TMEM181: variants seen among roughly 807,000 people sequenced by gnomAD.
TMEM181 encodes the protein transmembrane protein 181, also known as G protein-coupled receptor 178.
Under a neutral mutation model 71.9 loss-of-function variants are expected in TMEM181, and 39 were observed. That is an observed-to-expected ratio of 0.54 (90% confidence interval 0.42 to 0.71). The LOEUF is 0.71. Among genes scored for constraint, TMEM181 ranks in the 30% least tolerant of loss-of-function variants. The probability of loss-of-function intolerance (pLI) is 0.00; values close to 1 mark genes in which losing one functional copy is unlikely to be tolerated. For synonymous variants in TMEM181, 245 were observed against 228.8 expected (o/e 1.07, Z -0.64); for missense variants, 595 against 583.0 (o/e 1.02, Z -0.21).
chr6:158,627,181 C>T (rs1278965559), intron 13 of TMEM181, among the ~76,000 whole-genome samples: 1 of 151,702 alleles, frequency 6.6e-6, no homozygotes, highest in Admixed American at 6.6e-5. Context: ...CACACCCTCA[C>T]TCTCACACCC....
chr6:158,610,417 G>C lies in TMEM181; in HGVS notation c.896+1667G>C, dbSNP rs6937616. On this transcript the variant is annotated intron_variant, in intron 10 of 16. Coordinates refer to ENST00000684151, the MANE Select transcript of TMEM181 (RefSeq NM_001376852.1). ...GAAATTCCTTAGAGAAGGAGCTGCT[G>C]TAAATTCTTCTGAACTTAGTCAAGG... 916 of 284,840 alleles carry C rather than the reference G, an allele frequency of 3.2e-3. 8 individuals are homozygous for C. Among genetic ancestry groups the C allele is most frequent in the African/African-American group, 0.019 (871 of 44,910 alleles). The allele number at this position is 284,840 out of a possible 1,614,324, so 17.6% of individuals were successfully genotyped here.
rs144170452 is a variant in TMEM181, at chr6:158,579,075, A to G, written c.113-1865A>G. On this transcript the variant is annotated intron_variant, in intron 2 of 16. Coordinates refer to ENST00000684151, the MANE Select transcript of TMEM181 (RefSeq NM_001376852.1). ...GAAGTTCGATTCCAGCCTAACCAAC[A>G]TGGTGAAACCCCGTCTCTACTAAAA... Among the ~76,000 whole-genome samples the G allele has an allele frequency of 6.6e-3, 1,005 of 152,030 alleles. 10 individuals are homozygous for G. The highest frequency in any genetic ancestry group is 0.022 in the African/African-American group (929 of 41,474).
intron 6 of TMEM181, among the ~76,000 whole-genome samples, chr6:158,597,722 G>T (rs1409199728): frequency 6.6e-6 from 1 of 151,796 alleles, no homozygotes; most frequent in Admixed American, 6.6e-5. Context: ...TGTTGCCCAG[G>T]CTTGAACTCC....
intron 5 of TMEM181, among the ~76,000 whole-genome samples, chr6:158,586,647 T>C (rs1225907962): frequency 1.3e-5 from 2 of 152,088 alleles, no homozygotes; most frequent in Non-Finnish European, 2.9e-5. Context: ...CTGTTTTTCC[T>C]AGCAAGAAAG....
At chr6:158,624,160 T>C (rs1786133084) in intron 11 of TMEM181, among the ~76,000 whole-genome samples, 1 of 152,216 alleles carries the variant, frequency 6.6e-6, no homozygotes, top group South Asian at 2.1e-4. Context: ...CTGCTCTTCC[T>C]TCCCAGTCAG....
rs1010294837 is a variant in TMEM181 at position 158,632,220 on chromosome 6, T to G, written c.*332T>G. ...TATGTACTTTTTTTTCCTGTAATCA[T>G]TCACTGATTCCAAGTTCACGGGCAG... On this transcript the variant is annotated 3_prime_UTR_variant, in exon 17 of 17. Transcript: ENST00000684151. 7.3e-6 allele frequency: 2 copies of G among 273,544 alleles called. No individual in the cohort carries two copies. The highest frequency in any genetic ancestry group is 1.4e-5 in the Non-Finnish European group (2 of 139,064). 16.9% of individuals were successfully genotyped at this position (273,544 alleles called of 1,614,324 possible). A position where few individuals can be genotyped will look rare whatever the true frequency, so the allele number is the denominator to read the frequency against.
At chr6:158,598,120 T>G (rs780844871) in intron 6 of TMEM181, among the ~76,000 whole-genome samples, 2 of 152,362 alleles carry the variant, frequency 1.3e-5, no homozygotes, top group South Asian at 2.1e-4. Context: ...GTTGGTTTCA[T>G]CAGCCATGCT....
chr6:158,588,649 C>T (rs1160634800), intron 5 of TMEM181, among the ~76,000 whole-genome samples: 1 of 152,208 alleles, frequency 6.6e-6, no homozygotes, highest in Non-Finnish European at 1.5e-5. Context: ...TGGGGTTTCA[C>T]TATGTTGGCC....
chr6:158,631,138 G>C (rs1488445309), intron 15 of TMEM181, among the ~76,000 whole-genome samples, 185 bp from the exon 16 acceptor site: 2 of 152,212 alleles, frequency 1.3e-5, no homozygotes, highest in Non-Finnish European at 2.9e-5. Context: ...GGCAGGCCAG[G>C]CCAGCCCTGT....
At chr6:158,544,103 C>T (rs1278457765) in intron 1 of TMEM181, among the ~76,000 whole-genome samples, 3 of 151,750 alleles carry the variant, frequency 2.0e-5, no homozygotes, top group South Asian at 2.1e-4. Flanking sequence ...AGGGTGGCTC[C>T]GTCTCCCCGG....
chr6:158,607,404 G>C (rs1785012494), intron 8 of TMEM181, 61 bp downstream of exon 8: 6 of 1,482,542 alleles, frequency 4.0e-6, no homozygotes, highest in Admixed American at 3.5e-5. Flanking sequence ...TGGAGGCCAG[G>C]TGCAGGGTTG....
intron 13 of TMEM181, chr6:158,626,840 A>G: frequency 2.5e-6 from 1 of 402,348 alleles, no homozygotes; most frequent in South Asian, 1.7e-5. Flanking sequence ...CTTCACACAC[A>G]CCCTCATTTT....
At chr6:158,546,833 G>A (rs916126966) in intron 1 of TMEM181, among the ~76,000 whole-genome samples, 22 of 152,072 alleles carry the variant, frequency 1.4e-4, no homozygotes, top group Admixed American at 7.2e-4. Context: ...GGTGGTGGGC[G>A]CCTGTAGTCC....
In TMEM181 at chr6:158,628,405, C is replaced by A; in HGVS notation, c.1110-3C>A. ...ATTGTCTCTGCTCCTCTGTCTTGTT[C>A]AGCATCGCCATCCTTTATTTGAGAT... On this transcript the variant is annotated splice_region_variant and splice_polypyrimidine_tract_variant and intron_variant, in intron 13 of 16. Transcript: ENST00000684151. The A allele has an allele frequency of 1.2e-6, 2 of 1,614,114 alleles. No individual in the cohort carries two copies. Among genetic ancestry groups the A allele is most frequent in the Non-Finnish European group, 1.7e-6 (2 of 1,180,002 alleles).
At chr6:158,575,401 T>C (rs1022614636) in intron 2 of TMEM181, among the ~76,000 whole-genome samples, 3 of 152,100 alleles carry the variant, frequency 2.0e-5, no homozygotes, top group African/African-American at 7.2e-5. Context: ...CAATCTTGGC[T>C]CACTGCAACC....
intron 10 of TMEM181, chr6:158,611,160 A>G: frequency 3.8e-6 from 2 of 530,322 alleles, no homozygotes; most frequent in Non-Finnish European, 3.8e-6. Flanking sequence ...CTCCTGTCAC[A>G]GAAGCTGCTC....
At chr6:158,575,743 C>A (rs1783119060) in intron 2 of TMEM181, among the ~76,000 whole-genome samples, 1 of 152,278 alleles carries the variant, frequency 6.6e-6, no homozygotes, top group Non-Finnish European at 1.5e-5. Flanking sequence ...TGGACACAGG[C>A]CTCTTTCCTA....
chr6:158,547,595 C>T (rs1781567918), intron 1 of TMEM181, among the ~76,000 whole-genome samples: 1 of 152,198 alleles, frequency 6.6e-6, no homozygotes, highest in African/African-American at 2.4e-5. Context: ...TCAGCTGGGG[C>T]CTCAGCGAAG....
At chr6:158,592,722 G>A (rs1204451730) in intron 6 of TMEM181, among the ~76,000 whole-genome samples, 1 of 152,036 alleles carries the variant, frequency 6.6e-6, no homozygotes, top group Non-Finnish European at 1.5e-5. Flanking sequence ...CTGAACTCAG[G>A]TAATCGGCCT....
Sources: allele counts gnomAD v4.1 joint callset (sites outside exome capture counted in the v4.1 genomes callset), GRCh38; gene constraint gnomAD v4.1.1; transcripts MANE v1.5; gene names NCBI Gene and HGNC (gene_info 2026-07-23, HGNC 2026-07-21).